Variants in DNAH14 observed in about 807,000 individuals in gnomAD.
DNAH14 encodes the protein dynein axonemal heavy chain 14.
A neutral mutation model predicts 520.9 loss-of-function variants in DNAH14; 478 were observed. The observed-to-expected ratio is 0.92, with a 90% CI of 0.85 to 0.99. The LOEUF (loss-of-function observed/expected upper bound fraction) is 0.99. Among genes scored for constraint, DNAH14 ranks in the 50% least tolerant of loss-of-function variants. DNAH14 has a pLI of 0.00. For synonymous variants in DNAH14, 1,581 were observed against 1,757.2 expected (o/e 0.90, Z 2.51); for missense variants, 4,831 against 5,234.5 (o/e 0.92, Z 2.38).
chr1:225,049,769 TCTAC>T (rs770268345), intron 15 of DNAH14, among the ~76,000 whole-genome samples: 2,102 of 116,368 alleles, frequency 0.018, 30 homozygotes, highest in African/African-American at 0.045. Flanking sequence ...TGTCTATCTA[TCTAC>T]CTATCTATCT....
chr1:225,192,920 A>G lies in DNAH14; in HGVS notation c.5886+9A>G, dbSNP rs1223999752. On this transcript the variant is annotated intron_variant, in intron 38 of 85. Coordinates refer to ENST00000682510, the MANE Select transcript of DNAH14 (RefSeq NM_001367479.1). ...TCTCAGATTTATCCAATGTAAGTTT[A>G]GTATTGAATGAATGTTTTTATTTAA... The G allele has an allele frequency of 2.0e-6, 3 of 1,529,640 alleles. No individual in the cohort carries two copies. Among genetic ancestry groups the G allele is most frequent in the Non-Finnish European group, 2.7e-6 (3 of 1,130,202 alleles). The allele number at this position is 1,529,640 out of a possible 1,614,324, so 94.8% of individuals were successfully genotyped here.
At chr1:224,939,452 C>T (rs941722449) in intron 1 of DNAH14, among the ~76,000 whole-genome samples, 2 of 152,010 alleles carry the variant, frequency 1.3e-5, no homozygotes, top group Admixed American at 1.3e-4. Flanking sequence ...GGGTGGATCA[C>T]GAGGTCAGGA....
At chr1:225,074,376 C>T (rs1368258107) in intron 17 of DNAH14, among the ~76,000 whole-genome samples, 1 of 152,194 alleles carries the variant, frequency 6.6e-6, no homozygotes, top group Admixed American at 6.5e-5. Context: ...TTGGAGAGTC[C>T]ACCCAGTGAG....
intron 44 of DNAH14, among the ~76,000 whole-genome samples, chr1:225,254,807 C>T (rs2092681494): frequency 6.6e-6 from 1 of 152,166 alleles, no homozygotes; most frequent in Admixed American, 6.5e-5. Flanking sequence ...ACATTAGATG[C>T]TGTCTACTAG....
intron 31 of DNAH14, 72 bp downstream of exon 31, chr1:225,147,321 T>G: frequency 9.5e-6 from 13 of 1,367,172 alleles, no homozygotes; most frequent in Non-Finnish European, 1.2e-5. Flanking sequence ...TAATTATTGT[T>G]AAATATTTTC....
chr1:225,270,696 G>A, intron 49 of DNAH14, 39 bp from the exon 50 acceptor site: 1 of 1,538,800 alleles, frequency 6.5e-7, no homozygotes, highest in Non-Finnish European at 8.8e-7. Flanking sequence ...ACTTCCTACA[G>A]ATACATTCAG....
In DNAH14 at chr1:225,340,588, A is replaced by C; in HGVS notation, c.10565A>C (p.Glu3522Ala). 1 of 1,551,460 alleles carries C rather than the reference A, an allele frequency of 6.4e-7. No homozygotes were observed. The highest frequency in any genetic ancestry group is 8.7e-7 in the Non-Finnish European group (1 of 1,146,872). Residue 3522 changes from glutamate (E) to alanine (A), a missense_variant, in exon 69 of 86, where the codon GAA (glutamate) becomes GCA (alanine). Coordinates refer to ENST00000682510, the MANE Select transcript of DNAH14 (RefSeq NM_001367479.1). Reference sequence around the variant, plus strand: ...CTCTTGTCTACTGTGGTAACTCATGAAGTTCCTCATTTAGAAGATCAACGT... The same window carrying C: ...CTCTTGTCTACTGTGGTAACTCATGCAGTTCCTCATTTAGAAGATCAACGT... ...DQLLSTVVTH[E>A]VPHLEDQRSK...
chr1:225,154,193 GA>G lies in DNAH14; in HGVS notation c.5273+370del, dbSNP rs563544719. Among the ~76,000 whole-genome samples, 25 of 151,882 alleles carry G rather than the reference GA, an allele frequency of 1.6e-4. No homozygotes were observed. In the East Asian group the frequency reaches 4.6e-3, roughly 28 times the overall value. On this transcript the variant is annotated intron_variant, in intron 34 of 85. Transcript: ENST00000682510. ...AGGAAAACTTAAAACAGGATTGAAA[GA>G]AATGAAAATGTATTTAAATGAAATA... is the stretch of plus-strand genomic sequence containing the variant.
At chr1:225,020,892 A>G (rs573987237) in intron 10 of DNAH14, among the ~76,000 whole-genome samples, 2 of 152,200 alleles carry the variant, frequency 1.3e-5, no homozygotes, top group Non-Finnish European at 2.9e-5. Context: ...TACCTAATGA[A>G]CACAGACACA....
At chr1:224,989,570 C>T (rs2062887310) in intron 8 of DNAH14, among the ~76,000 whole-genome samples, 1 of 151,824 alleles carries the variant, frequency 6.6e-6, no homozygotes, top group African/African-American at 2.4e-5. Context: ...CTCTTCTTGC[C>T]TTATATAATG....
intron 66 of DNAH14, among the ~76,000 whole-genome samples, 182 bp downstream of exon 66, chr1:225,333,688 A>G (rs2094849455): frequency 6.6e-6 from 1 of 152,196 alleles, no homozygotes; most frequent in African/African-American, 2.4e-5. Context: ...TCAATAAGTT[A>G]TATCTCTCCT....
At chr1:225,182,292 T>C (rs1283695071) in intron 36 of DNAH14, among the ~76,000 whole-genome samples, 1 of 152,088 alleles carries the variant, frequency 6.6e-6, no homozygotes, top group African/African-American at 2.4e-5. Flanking sequence ...TAAGGAAAAG[T>C]CTTGGAAAAA....
chr1:225,143,721 T>TAA (rs149604003), intron 28 of DNAH14, among the ~76,000 whole-genome samples: 2 of 151,634 alleles, frequency 1.3e-5, no homozygotes, highest in Admixed American at 6.6e-5. Context: ...TTTTAATATT[T>TAA]AAAAAAAAAC....
intron 48 of DNAH14, 128 bp from the exon 49 acceptor site, chr1:225,266,513 A>T: frequency 1.8e-6 from 1 of 554,024 alleles, no homozygotes; most frequent in Non-Finnish European, 2.8e-6. Context: ...GTTATTACAT[A>T]TGATTTTGTG....
chr1:225,173,715 A>G (rs74505783), intron 36 of DNAH14, among the ~76,000 whole-genome samples: 19,456 of 152,248 alleles, frequency 0.13, 1,398 homozygotes, highest in East Asian at 0.31. Context: ...TTCTTCAGGG[A>G]TCTTGAACTA....
At chr1:224,958,260 G>T (rs2060630418) in intron 3 of DNAH14, among the ~76,000 whole-genome samples, 1 of 152,104 alleles carries the variant, frequency 6.6e-6, no homozygotes, top group Non-Finnish European at 1.5e-5. Flanking sequence ...AAAGGAAGAA[G>T]AGCAAGTTAA....
At chr1:225,184,719 C>T (rs1364799937) in intron 36 of DNAH14, among the ~76,000 whole-genome samples, 1 of 150,154 alleles carries the variant, frequency 6.7e-6, no homozygotes, top group East Asian at 2.0e-4. Context: ...AAAGTCTCAA[C>T]AAACTAGGCA....
chr1:225,012,571 G>A lies in DNAH14; in HGVS notation c.1107+5027G>A, dbSNP rs145141068. 5.1e-3 allele frequency among the ~76,000 whole-genome samples: 770 copies of A among 152,136 alleles called. 6 individuals carry two copies. The highest frequency in any genetic ancestry group is 0.017 in the African/African-American group (723 of 41,506). ...GAAGTGTGTTTTCCCACTGGGTTCC[G>A]TTCTCCCTGTCACTTTCAGGTACAC... On this transcript the variant is annotated intron_variant, in intron 10 of 85. Transcript: ENST00000682510.
chr1:224,982,589 A>G (rs3102105), intron 8 of DNAH14, among the ~76,000 whole-genome samples: 12,069 of 150,640 alleles, frequency 0.08, 1,553 homozygotes, highest in African/African-American at 0.27. Context: ...TAGGGCTACA[A>G]ACCTTCCTCT....
Sources: gnomAD v4.1 joint callset for allele counts (sites outside exome capture counted in the v4.1 genomes callset) on GRCh38, gnomAD v4.1.1 for gene constraint, MANE v1.5 for transcripts, NCBI Gene and HGNC (gene_info 2026-07-23, HGNC 2026-07-21) for gene names.